Variants in SEMA6D observed in about 807,000 individuals in gnomAD.
The protein encoded by SEMA6D is semaphorin-6D.
SEMA6D carries 35 observed loss-of-function variants against 106.6 expected under a neutral mutation model. The ratio of observed to expected loss-of-function variants is 0.33; its 90% CI spans 0.25 to 0.44. The LOEUF is 0.44. Ranked by LOEUF, SEMA6D falls within the 20% of genes least tolerant of loss-of-function variation. SEMA6D has a pLI of 1.00. For missense variants in SEMA6D, 1,185 were observed against 1,345.9 expected, an observed-to-expected ratio of 0.88 and a Z score of 1.87; for synonymous variants, 499 against 487.7, an observed-to-expected ratio of 1.02 and a Z score of -0.31.
chr15:47,516,162 TC>T (rs1005836717), intron 3 of SEMA6D, among the ~76,000 whole-genome samples: 1 of 152,170 alleles, frequency 6.6e-6, no homozygotes, highest in Admixed American at 6.5e-5. Context: ...ACTCTGCACA[TC>T]CTGGTTTCTG....
At chr15:47,520,786 C>T (rs762269900) in intron 3 of SEMA6D, among the ~76,000 whole-genome samples, 1 of 152,104 alleles carries the variant, frequency 6.6e-6, no homozygotes, top group Non-Finnish European at 1.5e-5. Flanking sequence ...GTACCAGGCA[C>T]GTATGTTGGG....
intron 4 of SEMA6D, among the ~76,000 whole-genome samples, chr15:47,627,121 G>A (rs1328291353): frequency 6.6e-6 from 1 of 152,248 alleles, no homozygotes. Flanking sequence ...CTCAGATGGC[G>A]GCCCTGACTT....
rs890858237 is a variant in SEMA6D at position 47,771,983 on chromosome 15, A to T, written c.*198A>T. 1 of 586,218 alleles carries T rather than the reference A, an allele frequency of 1.7e-6. No individual in the cohort carries two copies. The highest frequency in any genetic ancestry group is 3.0e-5 in the Admixed American group (1 of 33,268). 36.3% of individuals were successfully genotyped at this position (586,218 alleles called of 1,614,324 possible). Reference sequence around the variant, plus strand: ...GCAAGGCTTCTGTGTACTTGCCTGAAAACAAAGGAAGGTGCTGGTCATTCC... The same window carrying T: ...GCAAGGCTTCTGTGTACTTGCCTGATAACAAAGGAAGGTGCTGGTCATTCC... On this transcript the variant is annotated 3_prime_UTR_variant, in exon 19 of 19. Transcript: ENST00000536845.
intron 3 of SEMA6D, among the ~76,000 whole-genome samples, chr15:47,580,771 C>A (rs2076242118): frequency 6.6e-6 from 1 of 152,182 alleles, no homozygotes; most frequent in Non-Finnish European, 1.5e-5. Flanking sequence ...CAAACAAATG[C>A]TATCAGATCC....
At chr15:47,716,428 G>C (rs1473883926), upstream of SEMA6D, among the ~76,000 whole-genome samples, 1 of 152,154 alleles carries the variant, frequency 6.6e-6, no homozygotes, top group Admixed American at 6.5e-5. Context: ...AACCATTGAG[G>C]AAAGGAAGTC....
chr15:47,361,462 T>C (rs1232165816), intron 1 of SEMA6D, among the ~76,000 whole-genome samples: 1 of 152,218 alleles, frequency 6.6e-6, no homozygotes, highest in African/African-American at 2.4e-5. Flanking sequence ...GTCCTATACT[T>C]CATGGGCTTC....
intron 4 of SEMA6D, among the ~76,000 whole-genome samples, chr15:47,618,477 A>G (rs1356829278): frequency 6.6e-6 from 1 of 152,232 alleles, no homozygotes; most frequent in Non-Finnish European, 1.5e-5. Context: ...TAAAGCATTC[A>G]ATCAATGAGT....
chr15:47,612,770 ATT>A (rs5812403), intron 4 of SEMA6D, among the ~76,000 whole-genome samples: 39 of 149,092 alleles, frequency 2.6e-4, no homozygotes, highest in South Asian at 1.5e-3. Context: ...TTTATTTTTT[ATT>A]TTTTTTTTGG....
rs879678442 is a variant in SEMA6D at position 47,217,905 on chromosome 15, A to ACACACACACT, written c.-239+33488_-239+33489insACACACACTC. 2.7e-5 allele frequency among the ~76,000 whole-genome samples: 4 copies of ACACACACACT among 149,940 alleles called. 1 individual carries two copies. The South Asian group carries it at 8.5e-4, about 32-fold the overall frequency. On this transcript the variant is annotated intron_variant, in intron 1 of 19. Transcript: ENST00000558014. ...CACACACACACACACACACACACAC[A>ACACACACACT]CTTTTATAAAGTATCCCTTAGCTAA... is the stretch of plus-strand genomic sequence containing the variant.
chr15:47,222,737 A>G (rs1216611736), intron 1 of SEMA6D, among the ~76,000 whole-genome samples: 2 of 152,194 alleles, frequency 1.3e-5, no homozygotes, highest in Non-Finnish European at 2.9e-5. Flanking sequence ...CTAATTAACC[A>G]TGCAGAACTG....
intron 3 of SEMA6D, among the ~76,000 whole-genome samples, chr15:47,543,316 A>G (rs1175694451): frequency 6.6e-6 from 1 of 152,094 alleles, no homozygotes; most frequent in Non-Finnish European, 1.5e-5. Flanking sequence ...CCAGGTGAAG[A>G]TAATTGAATC....
intron 3 of SEMA6D, among the ~76,000 whole-genome samples, chr15:47,572,818 C>G (rs1158628382): frequency 6.6e-6 from 1 of 152,062 alleles, no homozygotes; most frequent in Non-Finnish European, 1.5e-5. Flanking sequence ...AATCATTAAT[C>G]TGTTCAATTA....
chr15:47,671,857 T>C (rs1020556222), intron 4 of SEMA6D, among the ~76,000 whole-genome samples: 4 of 152,194 alleles, frequency 2.6e-5, no homozygotes. Context: ...GGGAGTAGAA[T>C]AGGAAGTAAG....
At chr15:47,577,062 T>C (rs926905820) in intron 3 of SEMA6D, among the ~76,000 whole-genome samples, 3 of 152,214 alleles carry the variant, frequency 2.0e-5, no homozygotes, top group African/African-American at 7.2e-5. Context: ...CAAGCTAGGA[T>C]TTTTGTTTGA....
intron 3 of SEMA6D, among the ~76,000 whole-genome samples, chr15:47,505,788 A>G (rs1038098260): frequency 6.6e-6 from 1 of 152,226 alleles, no homozygotes; most frequent in Non-Finnish European, 1.5e-5. Context: ...CAAAGGTTAT[A>G]ACTGGATCAT....
chr15:47,529,818 T>C (rs2044894465), intron 3 of SEMA6D, among the ~76,000 whole-genome samples: 1 of 152,178 alleles, frequency 6.6e-6, no homozygotes, highest in African/African-American at 2.4e-5. Flanking sequence ...ACATTTTTCT[T>C]ATTTTGTAAG....
chr15:47,511,204 T>C (rs2044219491), intron 3 of SEMA6D, among the ~76,000 whole-genome samples: 1 of 152,032 alleles, frequency 6.6e-6, no homozygotes, highest in Non-Finnish European at 1.5e-5. Context: ...GGAGGTGGAG[T>C]TGGTTTGGGG....
At chr15:47,206,940 A>G (rs1047344873) in intron 1 of SEMA6D, among the ~76,000 whole-genome samples, 11 of 152,152 alleles carry the variant, frequency 7.2e-5, no homozygotes, top group African/African-American at 2.7e-4. Context: ...AGCCTCTCCA[A>G]AAATGCCTTA....
chr15:47,266,601 C>T (rs1252999290), intron 1 of SEMA6D, among the ~76,000 whole-genome samples: 1 of 152,052 alleles, frequency 6.6e-6, no homozygotes, highest in East Asian at 1.9e-4. Context: ...CCTTCCATCC[C>T]ACAAATAGAG....
Sources: allele counts gnomAD v4.1 joint callset (sites outside exome capture counted in the v4.1 genomes callset), GRCh38; gene constraint gnomAD v4.1.1; transcripts MANE v1.5; gene names NCBI Gene and HGNC (gene_info 2026-07-23, HGNC 2026-07-21).